Variants in MGAT4A observed in about 807,000 individuals in gnomAD.
The protein encoded by MGAT4A is N-acetylglucosaminyltransferase IVa.
Under a neutral mutation model 74.1 loss-of-function variants are expected in MGAT4A, and 33 were observed. The ratio of observed to expected loss-of-function variants is 0.45; its 90% CI spans 0.34 to 0.60. The LOEUF is 0.60. Among genes scored for constraint, MGAT4A ranks in the 20% least tolerant of loss-of-function variants. The pLI is 0.02. For synonymous variants in MGAT4A, 198 were observed against 210.4 expected, an observed-to-expected ratio of 0.94 and a Z score of 0.51; for missense variants, 479 against 628.3, an observed-to-expected ratio of 0.76 and a Z score of 2.54.
chr2:98,676,013 T>C (rs10199926), intron 3 of MGAT4A, among the ~76,000 whole-genome samples: 50,465 of 152,074 alleles, frequency 0.33, 8,672 homozygotes, highest in African/African-American at 0.36. Flanking sequence ...CTCCATTTTA[T>C]ACATAGGATG....
intron 13 of MGAT4A, among the ~76,000 whole-genome samples, chr2:98,635,603 T>C (rs1701307044): frequency 6.6e-6 from 1 of 152,170 alleles, no homozygotes; most frequent in South Asian, 2.1e-4. Context: ...AAGGATTCCT[T>C]AGAGACCAAT....
At chr2:98,697,871 A>G (rs1057219848) in intron 2 of MGAT4A, among the ~76,000 whole-genome samples, 16 of 152,346 alleles carry the variant, frequency 1.1e-4, no homozygotes, top group African/African-American at 3.8e-4. Context: ...TTCATACAAC[A>G]AGATTAACTG....
chr2:98,685,610 C>T (rs142301235), intron 2 of MGAT4A, among the ~76,000 whole-genome samples: 205 of 152,290 alleles, frequency 1.3e-3, no homozygotes, highest in African/African-American at 4.7e-3. Context: ...ACACAGTGAA[C>T]AGCAGTCCAA....
chr2:98,623,773 G>T lies in MGAT4A; in HGVS notation c.*1793C>A. 1.0e-6 allele frequency: 1 copy of T among 985,438 alleles called. No homozygotes were observed. Among genetic ancestry groups the T allele is most frequent in the Non-Finnish European group, 1.2e-6 (1 of 829,938 alleles). 61.0% of individuals were successfully genotyped at this position (985,438 alleles called of 1,614,324 possible). A position where few individuals can be genotyped will look rare whatever the true frequency, so the allele number is the denominator to read the frequency against. On this transcript the variant is annotated 3_prime_UTR_variant, in exon 16 of 16. Transcript: ENST00000393487. Reference sequence around the variant, plus strand: ...CAGTGTTTCCAAACGTTTGCACTTTGTAACACAGCACAGGAAATGATGCTA... The same window carrying T: ...CAGTGTTTCCAAACGTTTGCACTTTTTAACACAGCACAGGAAATGATGCTA...
At chr2:98,631,377 T>A (rs1184951646) in intron 14 of MGAT4A, among the ~76,000 whole-genome samples, 1 of 152,206 alleles carries the variant, frequency 6.6e-6, no homozygotes, top group Non-Finnish European at 1.5e-5. Context: ...TGGCTAGAGC[T>A]CCAACCTCGG....
At chr2:98,730,991 C>CCGCCCCG (rs1223583242) in intron 1 of MGAT4A, 57 bp downstream of exon 1, 2 of 146,202 alleles carry the variant, frequency 1.4e-5, no homozygotes, top group African/African-American at 4.9e-5. Flanking sequence ...CTCCGCGCAG[C>CCGCCCCG]CGCCCCGCGC....
intron 2 of MGAT4A, among the ~76,000 whole-genome samples, chr2:98,712,195 G>T (rs554741568): frequency 6.6e-6 from 1 of 152,060 alleles, no homozygotes; most frequent in Non-Finnish European, 1.5e-5. Flanking sequence ...TTAACACAGC[G>T]AATACCTTTC....
intron 2 of MGAT4A, among the ~76,000 whole-genome samples, chr2:98,697,547 G>A (rs868712208): frequency 6.6e-6 from 1 of 152,144 alleles, no homozygotes. Flanking sequence ...TCCTGATTTT[G>A]ATATTGTACA....
intron 2 of MGAT4A, among the ~76,000 whole-genome samples, chr2:98,685,370 T>C (rs10165386): frequency 0.33 from 50,179 of 152,052 alleles, 8,585 homozygotes; most frequent in African/African-American, 0.36. Context: ...CAAAATTTAA[T>C]AAGCTTTACT....
At chr2:98,711,180 G>A (rs1406202460) in intron 2 of MGAT4A, among the ~76,000 whole-genome samples, 1 of 151,358 alleles carries the variant, frequency 6.6e-6, no homozygotes, top group Non-Finnish European at 1.5e-5. Flanking sequence ...ATTCCATAGG[G>A]GAAACACCAG....
chr2:98,631,607 C>T (rs1057102545), intron 14 of MGAT4A, among the ~76,000 whole-genome samples: 1 of 152,190 alleles, frequency 6.6e-6, no homozygotes, highest in Non-Finnish European at 1.5e-5. Flanking sequence ...CATCGATGGG[C>T]GGAATGACGC....
chr2:98,728,098 T>TA (rs978576971), intron 1 of MGAT4A, among the ~76,000 whole-genome samples: 2 of 152,014 alleles, frequency 1.3e-5, no homozygotes, highest in African/African-American at 2.4e-5. Context: ...AAGTGTAAAT[T>TA]AAAAAAATAA....
At chr2:98,729,873 C>T (rs72825789) in intron 1 of MGAT4A, among the ~76,000 whole-genome samples, 9,126 of 152,220 alleles carry the variant, frequency 0.06, 524 homozygotes, top group African/African-American at 0.14. Flanking sequence ...TATAACTTTA[C>T]ACACCACAAT....
At chr2:98,634,393 G>T (rs1235457958) in intron 14 of MGAT4A, among the ~76,000 whole-genome samples, 1 of 152,112 alleles carries the variant, frequency 6.6e-6, no homozygotes, top group East Asian at 1.9e-4. Flanking sequence ...GCTGCCCGGA[G>T]AGTGTGGGGC....
At chr2:98,670,861 C>T (rs1220110779) in intron 4 of MGAT4A, among the ~76,000 whole-genome samples, 2 of 152,162 alleles carry the variant, frequency 1.3e-5, no homozygotes, top group Non-Finnish European at 2.9e-5. Flanking sequence ...AACAATGACT[C>T]ATAAAATTAA....
chr2:98,635,238 AT>A lies in MGAT4A; in HGVS notation c.1451del (p.Asp484ValfsTer6). The A allele has an allele frequency of 6.2e-7, 1 of 1,609,482 alleles. No homozygotes were observed. Among genetic ancestry groups the A allele is most frequent in the Non-Finnish European group, 8.5e-7 (1 of 1,177,446 alleles). On this transcript the variant is annotated frameshift_variant, in exon 14 of 16. Coordinates refer to ENST00000393487, the MANE Select transcript of MGAT4A (RefSeq NM_012214.3). LOFTEE classifies it high-confidence loss of function. ...AGATATTACCTATTCTGAAATAGCCATCTTCTAATCGTTTGTCTTTGGTTTC... is the reference window on the plus strand; with the variant it reads ...AGATATTACCTATTCTGAAATAGCCACTTCTAATCGTTTGTCTTTGGTTTC... ...SKETKDKRLE[D>X]GYFRIGKFEN...
At chr2:98,714,201 T>C (rs994725430) in intron 2 of MGAT4A, among the ~76,000 whole-genome samples, 2 of 152,080 alleles carry the variant, frequency 1.3e-5, no homozygotes, top group African/African-American at 4.8e-5. Flanking sequence ...TATTCCTGTG[T>C]CTCAGACTCC....
chr2:98,701,211 TA>T (rs908097034), intron 2 of MGAT4A, among the ~76,000 whole-genome samples: 1 of 152,230 alleles, frequency 6.6e-6, no homozygotes, highest in African/African-American at 2.4e-5. Flanking sequence ...AACACTGCTC[TA>T]AAGATTTAGT....
chr2:98,706,345 C>T (rs960352652), intron 2 of MGAT4A, among the ~76,000 whole-genome samples: 4 of 151,942 alleles, frequency 2.6e-5, no homozygotes, highest in Admixed American at 6.6e-5. Context: ...TGTGTCCCTC[C>T]GCAGAAGTAT....
Sources: gnomAD v4.1 joint callset for allele counts (sites outside exome capture counted in the v4.1 genomes callset) on GRCh38, gnomAD v4.1.1 for gene constraint, MANE v1.5 for transcripts, NCBI Gene and HGNC (gene_info 2026-07-23, HGNC 2026-07-21) for gene names.